NTRK2: variants seen among roughly 807,000 people sequenced by gnomAD.
NTRK2 encodes neurotrophic receptor tyrosine kinase 2.
In NTRK2, 13 loss-of-function variants were observed where a neutral mutation model predicts 94.5. The observed-to-expected ratio is 0.14, with a 90% CI of 0.09 to 0.22. NTRK2 has a LOEUF of 0.22. Among genes scored for constraint, NTRK2 ranks in the 10% least tolerant of loss-of-function variants. The pLI, the probability that NTRK2 is intolerant of heterozygous loss-of-function variation, is 1.00. For missense variants in NTRK2, 639 were observed against 1,071.2 expected (o/e 0.60, Z 5.63); for synonymous variants, 372 against 407.4 (o/e 0.91, Z 1.05).
rs183925540 is a variant in NTRK2 at position 84,873,862 on chromosome 9, A to G, written c.1633+6431A>G. On this transcript the variant is annotated intron_variant, in intron 14 of 18. Transcript: ENST00000277120. ...CTCCAGTCCTAAGCTTGGTGTCTGA[A>G]AAGAAAAACAAAAATAAAGATTATG... is the stretch of plus-strand genomic sequence containing the variant. 6.6e-6 allele frequency: 7 copies of G among 1,059,802 alleles called. No homozygotes were observed. In the African/African-American group the frequency reaches 1.1e-4, roughly 17 times the overall value. 65.6% of individuals were successfully genotyped at this position (1,059,802 alleles called of 1,614,324 possible).
At chr9:84,671,631 G>T (rs1244203071) in intron 2 of NTRK2, among the ~76,000 whole-genome samples, 2 of 152,208 alleles carry the variant, frequency 1.3e-5, no homozygotes, top group Non-Finnish European at 2.9e-5. Context: ...ACTTCCCAGA[G>T]ATATGATTTT....
At chr9:84,861,554 C>T (rs1384522074) in intron 13 of NTRK2, among the ~76,000 whole-genome samples, 1 of 152,142 alleles carries the variant, frequency 6.6e-6, no homozygotes, top group Non-Finnish European at 1.5e-5. Flanking sequence ...TTCTAACGTC[C>T]AGACGCTGTG....
At chr9:84,711,366 C>G (rs2061408858) in intron 6 of NTRK2, among the ~76,000 whole-genome samples, 1 of 152,176 alleles carries the variant, frequency 6.6e-6, no homozygotes, top group Admixed American at 6.5e-5. Context: ...ATTCCTCTTC[C>G]CAGCGTTTTC....
At chr9:84,886,101 T>C (rs2076404380) in intron 14 of NTRK2, among the ~76,000 whole-genome samples, 1 of 152,120 alleles carries the variant, frequency 6.6e-6, no homozygotes, top group South Asian at 2.1e-4. Flanking sequence ...AAATGGGATT[T>C]CTAACTCTCT....
At chr9:84,955,206 G>A (rs921203583) in intron 16 of NTRK2, 77 bp from the exon 17 acceptor site, 32 of 1,221,952 alleles carry the variant, frequency 2.6e-5, no homozygotes, top group Non-Finnish European at 3.4e-5. Flanking sequence ...CAAGAGGGAC[G>A]GGGAGGGGCA....
Position 84,724,271 on chromosome 9 carries a change from A to G in NTRK2, c.768A>G (p.Ser256=). The change falls in exon 8 of 19, where the codon TCA becomes TCG. Residue 256 remains serine, a synonymous_variant. Transcript: ENST00000277120. ...TQGSLRITNI[S]SDDSGKQISC... ...GCTCCTTAAGGATAACTAACATTTC[A>G]TCCGATGACAGTGGGAAGCAGATCT... 6.2e-7 allele frequency: 1 copy of G among 1,613,844 alleles called. No individual in the cohort carries two copies. The highest frequency in any genetic ancestry group is 8.5e-7 in the Non-Finnish European group (1 of 1,179,730).
intron 12 of NTRK2, among the ~76,000 whole-genome samples, chr9:84,833,893 G>A (rs1025615585): frequency 6.6e-6 from 1 of 152,200 alleles, no homozygotes; most frequent in African/African-American, 2.4e-5. Context: ...TGTTGTTAAA[G>A]TTCCCTGGGT....
intron 9 of NTRK2, 89 bp from the exon 10 acceptor site, chr9:84,741,803 A>G (rs751826830): frequency 4.2e-5 from 46 of 1,093,684 alleles, no homozygotes; most frequent in Non-Finnish European, 6.0e-5. Context: ...ACTTCAGTGT[A>G]TGTCTAGCTT....
At chr9:84,706,532 T>TG (rs1033730901) in intron 4 of NTRK2, among the ~76,000 whole-genome samples, 38 of 121,060 alleles carry the variant, frequency 3.1e-4, no homozygotes, top group Admixed American at 1.4e-3. Flanking sequence ...TTTTTGTTTT[T>TG]TTTTTTTTTT....
intron 6 of NTRK2, among the ~76,000 whole-genome samples, chr9:84,719,614 C>T (rs1398656745): frequency 3.9e-5 from 6 of 152,076 alleles, no homozygotes; most frequent in African/African-American, 1.4e-4. Context: ...CTTTAGGCTT[C>T]ATCAGTGGGG....
At chr9:84,742,127 TTCTC>T (rs753706932) in intron 10 of NTRK2, among the ~76,000 whole-genome samples, 200 bp downstream of exon 10, 9 of 152,302 alleles carry the variant, frequency 5.9e-5, no homozygotes, top group Non-Finnish European at 1.3e-4. Flanking sequence ...AAATAGCACT[TTCTC>T]TCTCATACCC....
intron 2 of NTRK2, among the ~76,000 whole-genome samples, chr9:84,682,964 T>G (rs2059485872): frequency 6.6e-6 from 1 of 152,196 alleles, no homozygotes; most frequent in African/African-American, 2.4e-5. Flanking sequence ...TACCTTCTAC[T>G]TGTGTCCTCA....
At chr9:84,723,519 G>T (rs554172946) in intron 6 of NTRK2, 54 bp from the exon 7 acceptor site, 6 of 1,597,938 alleles carry the variant, frequency 3.8e-6, no homozygotes, top group Non-Finnish European at 5.1e-6. Flanking sequence ...CTTTTATTTT[G>T]ATACTGCATT....
chr9:84,845,738 G>C (rs912403723), intron 12 of NTRK2, among the ~76,000 whole-genome samples: 31 of 152,238 alleles, frequency 2.0e-4, no homozygotes, highest in African/African-American at 7.0e-4. Context: ...AAAACATACA[G>C]AGTGATATAA....
chr9:85,021,509 T>A lies in NTRK2; in HGVS notation c.*72T>A, dbSNP rs1480622485. On this transcript the variant is annotated 3_prime_UTR_variant, in exon 19 of 19. Coordinates refer to ENST00000277120, the MANE Select transcript of NTRK2 (RefSeq NM_006180.6). ...GCTGAGAGGATGAACATCTTTTAACTGCCGCTGGAGGCCACCAAGCTGCTC... is the reference window on the plus strand; with the variant it reads ...GCTGAGAGGATGAACATCTTTTAACAGCCGCTGGAGGCCACCAAGCTGCTC... The A allele has an allele frequency of 6.7e-7, 1 of 1,503,672 alleles. No individual in the cohort carries two copies. The highest frequency in any genetic ancestry group is 9.3e-7 in the Non-Finnish European group (1 of 1,081,016). The allele number at this position is 1,503,672 out of a possible 1,614,324, so 93.1% of individuals were successfully genotyped here. A position where few individuals can be genotyped will look rare whatever the true frequency, so the allele number is the denominator to read the frequency against.
Position 84,880,554 on chromosome 9 carries a change from T to C in NTRK2, c.1633+13123T>C, listed in dbSNP as rs191018656. The stretch of plus-strand genomic sequence containing the variant: ...GAGTCAAAATTTCTATAGATCTTTA[T>C]GCTTTAGAGAGCCGTTTTAAAAACA... On this transcript the variant is annotated intron_variant, in intron 14 of 18. Coordinates refer to ENST00000277120, the MANE Select transcript of NTRK2 (RefSeq NM_006180.6). 1.1e-3 allele frequency among the ~76,000 whole-genome samples: 169 copies of C among 152,352 alleles called. 2 individuals are homozygous for C. The highest frequency in any genetic ancestry group is 2.4e-4 in the Non-Finnish European group (16 of 68,044).
chr9:84,980,010 G>A (rs1264887380), intron 17 of NTRK2, among the ~76,000 whole-genome samples: 1 of 152,142 alleles, frequency 6.6e-6, no homozygotes, highest in East Asian at 1.9e-4. Flanking sequence ...GTGTAAGCAC[G>A]GGAAAACAAA....
chr9:84,866,228 C>T (rs996189206), intron 13 of NTRK2, among the ~76,000 whole-genome samples: 3 of 152,174 alleles, frequency 2.0e-5, no homozygotes, highest in Non-Finnish European at 4.4e-5. Flanking sequence ...GGAATGTAGT[C>T]ATAGGACAGT....
rs766506016 is a variant in NTRK2 at position 85,021,474 on chromosome 9, C to G, written c.*37C>G. ...CCAGACCGATCCTTCCCAACGTACTCCTCAGACGGGCTGAGAGGATGAACA... is the reference window on the plus strand; with the variant it reads ...CCAGACCGATCCTTCCCAACGTACTGCTCAGACGGGCTGAGAGGATGAACA... On this transcript the variant is annotated 3_prime_UTR_variant, in exon 19 of 19. Coordinates refer to ENST00000277120, the MANE Select transcript of NTRK2 (RefSeq NM_006180.6). 1 of 1,603,536 alleles carries G rather than the reference C, an allele frequency of 6.2e-7. No homozygotes were observed. The highest frequency in any genetic ancestry group is 8.5e-7 in the Non-Finnish European group (1 of 1,170,522).
Sources: allele counts gnomAD v4.1 joint callset (sites outside exome capture counted in the v4.1 genomes callset), GRCh38; gene constraint gnomAD v4.1.1; transcripts MANE v1.5; gene names NCBI Gene and HGNC (gene_info 2026-07-23, HGNC 2026-07-21).